Variants in ANXA8 observed in about 807,000 individuals in gnomAD.
ANXA8 encodes VAC-beta.
In ANXA8, 9 loss-of-function variants were observed where a neutral mutation model predicts 26.8. That is an observed-to-expected ratio of 0.34 (90% confidence interval 0.20 to 0.59). ANXA8 has a LOEUF of 0.59. ANXA8 is among the 20% of genes least tolerant of loss of function. ANXA8 has a pLI of 0.84. For missense variants in ANXA8, 83 were observed against 238.5 expected (o/e 0.35, Z 4.29); for synonymous variants, 39 against 94.8 (o/e 0.41, Z 3.42).
chr10:47,525,653 T>C, the ANXA8 span, among the ~76,000 whole-genome samples: 3 of 125,684 alleles, frequency 2.4e-5, 1 homozygote, highest in African/African-American at 8.4e-5. Flanking sequence ...TTATTATTAT[T>C]ATTATTTTGA....
the ANXA8 span, among the ~76,000 whole-genome samples, chr10:47,695,264 C>T: frequency 1.3e-5 from 2 of 151,594 alleles, no homozygotes; most frequent in South Asian, 4.2e-4. Flanking sequence ...ATTAATGACT[C>T]ATTAGCATTG....
chr10:47,488,984 G>T (rs1840097753), upstream of ANXA8, among the ~76,000 whole-genome samples: 1 of 147,456 alleles, frequency 6.8e-6, no homozygotes, highest in Non-Finnish European at 1.5e-5. Context: ...CAAAGTGCTG[G>T]GATTACAGGC....
the ANXA8 span, among the ~76,000 whole-genome samples, chr10:47,497,550 T>G: frequency 7.4e-6 from 1 of 134,526 alleles, no homozygotes. Flanking sequence ...ACACGGGAGG[T>G]GGAGGTTGCC....
At chr10:47,740,376 C>T in the ANXA8 span, among the ~76,000 whole-genome samples, 3 of 144,056 alleles carry the variant, frequency 2.1e-5, no homozygotes, top group Non-Finnish European at 3.0e-5. Context: ...TGCATGAAAA[C>T]GTATAGTTAA....
the ANXA8 span, chr10:47,689,984 T>C: frequency 6.3e-7 from 1 of 1,592,852 alleles, no homozygotes; most frequent in Non-Finnish European, 8.6e-7. Context: ...GATGACTTTG[T>C]ACGTTCTGTT....
the ANXA8 span, among the ~76,000 whole-genome samples, chr10:47,657,306 A>G: frequency 1.3e-5 from 2 of 151,720 alleles, 1 homozygote; most frequent in African/African-American, 4.9e-5. Flanking sequence ...AGCTGAAAAT[A>G]TAGGCATGTG....
At chr10:47,721,441 A>G in the ANXA8 span, among the ~76,000 whole-genome samples, 1 of 139,120 alleles carries the variant, frequency 7.2e-6, no homozygotes, top group Non-Finnish European at 1.6e-5. Context: ...ACTATACCAC[A>G]TTAAAGATGT....
the ANXA8 span, among the ~76,000 whole-genome samples, chr10:47,763,899 C>T: frequency 6.6e-6 from 1 of 151,770 alleles, no homozygotes; most frequent in African/African-American, 2.4e-5. Context: ...GTCCCACACC[C>T]CCGCGTCACC....
the ANXA8 span, among the ~76,000 whole-genome samples, chr10:47,704,023 C>T: frequency 2.8e-5 from 4 of 141,666 alleles, no homozygotes; most frequent in African/African-American, 9.8e-5. Flanking sequence ...GACTGAGAAA[C>T]TCTTATAGAC....
the ANXA8 span, among the ~76,000 whole-genome samples, chr10:47,967,319 A>G: frequency 1.3e-5 from 2 of 150,908 alleles, no homozygotes; most frequent in African/African-American, 4.9e-5. Flanking sequence ...ATCTGGAGAA[A>G]ATTTATCTAC....
chr10:47,682,691 T>A, the ANXA8 span, among the ~76,000 whole-genome samples: 4 of 151,812 alleles, frequency 2.6e-5, no homozygotes, highest in Non-Finnish European at 5.9e-5. Flanking sequence ...AGGATGGTCT[T>A]GAACTCCTGA....
upstream of ANXA8, among the ~76,000 whole-genome samples, chr10:47,485,837 G>A (rs201844130): frequency 2.6e-4 from 39 of 151,972 alleles, 1 homozygote; most frequent in South Asian, 6.2e-4. Context: ...GGCCAGGTGC[G>A]GTGGCTCACG....
At chr10:47,953,530 A>G in the ANXA8 span, among the ~76,000 whole-genome samples, 3 of 150,844 alleles carry the variant, frequency 2.0e-5, no homozygotes, top group Non-Finnish European at 4.4e-5. Context: ...ATGAATTTAA[A>G]TATATACTTA....
the ANXA8 span, among the ~76,000 whole-genome samples, chr10:47,699,871 A>AAATAACAAACAGAGG: frequency 2.6e-5 from 4 of 151,858 alleles, no homozygotes; most frequent in African/African-American, 9.7e-5. Context: ...CAATATACAC[A>AAATAACAAACAGAGG]AATAACAAAC....
the ANXA8 span, among the ~76,000 whole-genome samples, chr10:47,612,574 C>T: frequency 1.2e-4 from 9 of 73,250 alleles, 4 homozygotes; most frequent in African/African-American, 3.6e-4. Flanking sequence ...CCCCCCAAAA[C>T]TCATGTTGAA....
the ANXA8 span, chr10:47,986,624 A>G: frequency 2.8e-6 from 1 of 362,476 alleles, no homozygotes; most frequent in Non-Finnish European, 5.4e-6. Flanking sequence ...GATTGGAGAA[A>G]CAGACTGCTC....
At chr10:47,534,704 G>A in the ANXA8 span, among the ~76,000 whole-genome samples, 1 of 101,264 alleles carries the variant, frequency 9.9e-6, no homozygotes, top group Admixed American at 1.0e-4. Flanking sequence ...GCCCAGGCTA[G>A]AGTGCAATGG....
chr10:47,631,296 C>G, the ANXA8 span, among the ~76,000 whole-genome samples: 1 of 151,854 alleles, frequency 6.6e-6, no homozygotes, highest in African/African-American at 2.4e-5. Flanking sequence ...TTAATTCTCT[C>G]AAAATGATCT....
At chr10:47,894,764 T>C in the ANXA8 span, among the ~76,000 whole-genome samples, 1 of 147,396 alleles carries the variant, frequency 6.8e-6, no homozygotes, top group Non-Finnish European at 1.5e-5. Context: ...ACACCACATA[T>C]ACACACCACA....
Sources: allele counts gnomAD v4.1 joint callset (sites outside exome capture counted in the v4.1 genomes callset), GRCh38; gene constraint gnomAD v4.1.1; transcripts MANE v1.5; gene names NCBI Gene and HGNC (gene_info 2026-07-23, HGNC 2026-07-21).